Variants in BNC2 observed in about 807,000 individuals in gnomAD.
The protein encoded by BNC2 is basonuclin zinc finger protein 2.
In BNC2, 20 loss-of-function variants were observed where a neutral mutation model predicts 76.3. The ratio of observed to expected loss-of-function variants is 0.26; its 90% CI spans 0.18 to 0.38. The LOEUF is 0.38. BNC2 is among the 10% of genes least tolerant of loss of function. BNC2 has a pLI of 1.00. For synonymous variants in BNC2, 582 were observed against 514.8 expected (o/e 1.13, Z -1.77); for missense variants, 1,382 against 1,399.8 (o/e 0.99, Z 0.20).
intron 1 of BNC2, among the ~76,000 whole-genome samples, chr9:16,849,047 A>T (rs544836771): frequency 3.9e-4 from 60 of 152,298 alleles, no homozygotes; most frequent in African/African-American, 1.4e-3. Context: ...TTTGGTCCCA[A>T]GCATTTCAAA....
At chr9:16,660,851 T>C (rs950977916) in intron 3 of BNC2, among the ~76,000 whole-genome samples, 13 of 148,380 alleles carry the variant, frequency 8.8e-5, no homozygotes, top group East Asian at 1.9e-4. Context: ...ATACTATGTA[T>C]TGTAAGTAAT....
chr9:16,749,897 C>T (rs1240789358), intron 1 of BNC2, among the ~76,000 whole-genome samples: 2 of 152,092 alleles, frequency 1.3e-5, no homozygotes, highest in African/African-American at 4.8e-5. Context: ...ATGGTGAATG[C>T]AGCAGAAAAC....
At chr9:16,856,499 C>T (rs777575486) in intron 1 of BNC2, among the ~76,000 whole-genome samples, 13 of 152,110 alleles carry the variant, frequency 8.5e-5, no homozygotes, top group Non-Finnish European at 1.3e-4. Context: ...ACTTGTACTT[C>T]TAGACTCAAA....
chr9:16,663,009 C>G (rs777644914), intron 3 of BNC2, among the ~76,000 whole-genome samples: 7 of 152,112 alleles, frequency 4.6e-5, no homozygotes, highest in Non-Finnish European at 1.0e-4. Flanking sequence ...TGGTTATACC[C>G]TTTCTGATTA....
At position 16,530,405 on chromosome 9, in the gene BNC2, C is replaced by T. The variant is rs955209073; in HGVS notation, c.669+22125G>A. On this transcript the variant is annotated intron_variant, in intron 5 of 6. Transcript: ENST00000380672. ...AATCACTGTACATTTCTCTACTCCA[C>T]ATTTCACCCCCTTCATGAGAATTGC... is the stretch of plus-strand genomic sequence containing the variant. 2.6e-5 allele frequency among the ~76,000 whole-genome samples: 4 copies of T among 152,256 alleles called. No individual in the cohort carries two copies. The South Asian group carries it at 6.2e-4, about 24-fold the overall frequency.
intron 3 of BNC2, chr9:16,727,576 C>T (rs955755251): frequency 3.6e-6 from 2 of 555,486 alleles, no homozygotes; most frequent in East Asian, 3.0e-5. Context: ...TCTTTTACTT[C>T]GGTATCCTTT....
intron 5 of BNC2, among the ~76,000 whole-genome samples, chr9:16,447,672 G>A (rs1395187478): frequency 9.2e-5 from 14 of 151,960 alleles, no homozygotes; most frequent in Admixed American, 9.2e-4. Flanking sequence ...TCATCAATCA[G>A]TTCAAGTAAA....
At chr9:16,657,391 A>G (rs371268951) in intron 3 of BNC2, among the ~76,000 whole-genome samples, 15 of 152,216 alleles carry the variant, frequency 9.9e-5, no homozygotes, top group East Asian at 7.7e-4. Flanking sequence ...AGAAATAAGT[A>G]AAAAAAACAG....
intron 5 of BNC2, among the ~76,000 whole-genome samples, chr9:16,465,393 G>GCAACTACA (rs1282687031): frequency 7.6e-6 from 1 of 130,980 alleles, no homozygotes; most frequent in Non-Finnish European, 1.5e-5. Flanking sequence ...CTGAGATTGT[G>GCAACTACA]CAACTACACT....
chr9:16,762,971 C>G (rs1405684749), intron 1 of BNC2, among the ~76,000 whole-genome samples: 2 of 151,988 alleles, frequency 1.3e-5, no homozygotes, highest in Non-Finnish European at 2.9e-5. Context: ...AATAGAAAAT[C>G]AAGGAAGAAA....
At chr9:16,703,748 G>A (rs1038078340) in intron 3 of BNC2, among the ~76,000 whole-genome samples, 3 of 152,114 alleles carry the variant, frequency 2.0e-5, no homozygotes, top group African/African-American at 7.2e-5. Context: ...TAGGGCACAC[G>A]GGTCCACTCA....
intron 1 of BNC2, among the ~76,000 whole-genome samples, chr9:16,814,186 C>T (rs1226603497): frequency 6.6e-6 from 1 of 152,100 alleles, no homozygotes; most frequent in Non-Finnish European, 1.5e-5. Flanking sequence ...CAGGCAAGAG[C>T]AATGATAAAT....
At chr9:16,568,007 G>A (rs1819215393) in intron 4 of BNC2, among the ~76,000 whole-genome samples, 1 of 152,114 alleles carries the variant, frequency 6.6e-6, no homozygotes, top group South Asian at 2.1e-4. Context: ...ATGCTAATTT[G>A]AAGTAATTTT....
chr9:16,701,218 A>G (rs1454929669), intron 3 of BNC2, among the ~76,000 whole-genome samples: 2 of 152,212 alleles, frequency 1.3e-5, no homozygotes, highest in Non-Finnish European at 2.9e-5. Flanking sequence ...TGACTTCCTC[A>G]TAAAATTTAA....
chr9:16,552,154 A>G (rs79084651), intron 5 of BNC2, among the ~76,000 whole-genome samples: 3,958 of 152,230 alleles, frequency 0.026, 132 homozygotes, highest in South Asian at 0.18. Context: ...AAGCCCTAAT[A>G]AACCCAAATG....
At chr9:16,652,238 G>C (rs78264635) in intron 3 of BNC2, among the ~76,000 whole-genome samples, 4,161 of 152,232 alleles carry the variant, frequency 0.027, 199 homozygotes, top group African/African-American at 0.094. Context: ...ATTGTTTTCA[G>C]ATAATAGCAC....
intron 1 of BNC2, among the ~76,000 whole-genome samples, chr9:16,793,865 T>TG (rs1444583600): frequency 1.6e-5 from 2 of 126,478 alleles, no homozygotes; most frequent in Non-Finnish European, 3.3e-5. Flanking sequence ...TTTTTGTTTT[T>TG]TTGTTTTTTT....
At chr9:16,701,261 A>G (rs1353528773) in intron 3 of BNC2, among the ~76,000 whole-genome samples, 2 of 152,218 alleles carry the variant, frequency 1.3e-5, no homozygotes, top group East Asian at 1.9e-4. Context: ...GGTTTCTACA[A>G]CTAACTTTCT....
chr9:16,848,500 T>G (rs561342495), intron 1 of BNC2, among the ~76,000 whole-genome samples: 1 of 152,214 alleles, frequency 6.6e-6, no homozygotes, highest in Non-Finnish European at 1.5e-5. Flanking sequence ...TCCCATCTTA[T>G]GAGCCAAATG....
Sources: allele counts gnomAD v4.1 joint callset (sites outside exome capture counted in the v4.1 genomes callset), GRCh38; gene constraint gnomAD v4.1.1; transcripts MANE v1.5; gene names NCBI Gene and HGNC (gene_info 2026-07-23, HGNC 2026-07-21).